The following STOM variants were observed in gnomAD, a reference collection of about 807,000 sequenced individuals.
STOM encodes the protein stomatin.
STOM carries 25 observed loss-of-function variants against 30.6 expected under a neutral mutation model. That is an observed-to-expected ratio of 0.82 (90% CI 0.60 to 1.14). STOM has a LOEUF of 1.14. Ranked by LOEUF, STOM falls within the 50% of genes most tolerant of loss-of-function variation. The pLI, the probability that STOM is intolerant of heterozygous loss-of-function variation, is 0.00. For synonymous variants in STOM, 118 were observed against 130.8 expected (o/e 0.90, Z 0.67); for missense variants, 292 against 365.2 (o/e 0.80, Z 1.63).
intron 6 of STOM, among the ~76,000 whole-genome samples, chr9:121,345,100 T>C (rs1393460613): frequency 1.3e-5 from 2 of 152,236 alleles, no homozygotes; most frequent in Non-Finnish European, 2.9e-5. Flanking sequence ...TTGGGTATTC[T>C]ACAGTTTGGG....
At chr9:121,355,422 A>G (rs2064379261) in intron 2 of STOM, among the ~76,000 whole-genome samples, 1 of 151,564 alleles carries the variant, frequency 6.6e-6, no homozygotes, top group African/African-American at 2.4e-5. Context: ...TGCATTGTTA[A>G]TTCAGAAACA....
chr9:121,352,445 A>T lies in STOM; in HGVS notation c.321+775T>A, dbSNP rs950913850. 2.6e-5 allele frequency among the ~76,000 whole-genome samples: 4 copies of T among 152,248 alleles called. No homozygotes were observed. In the East Asian group the frequency reaches 7.7e-4, roughly 29 times the overall value. ...ACAATACCTACACATCACTTTATTC[A>T]TGTGGATTCAATGCCATGCTTGATG... On this transcript the variant is annotated intron_variant, in intron 4 of 6. Coordinates refer to ENST00000286713, the MANE Select transcript of STOM (RefSeq NM_004099.6).
intron 1 of STOM, among the ~76,000 whole-genome samples, chr9:121,363,631 G>C (rs2064475305): frequency 6.6e-6 from 1 of 152,158 alleles, no homozygotes; most frequent in Non-Finnish European, 1.5e-5. Flanking sequence ...TAATGAAAAA[G>C]TATTCTTTTG....
At chr9:121,350,069 G>C (rs1168519658) in intron 4 of STOM, among the ~76,000 whole-genome samples, 1 of 152,218 alleles carries the variant, frequency 6.6e-6, no homozygotes, top group Non-Finnish European at 1.5e-5. Context: ...TGGCACGTAA[G>C]AGCTGTCTTA....
At chr9:121,359,807 T>C (rs2064432978) in intron 1 of STOM, among the ~76,000 whole-genome samples, 1 of 152,218 alleles carries the variant, frequency 6.6e-6, no homozygotes, top group Admixed American at 6.5e-5. Context: ...AAGAATGTTT[T>C]CGTGGTTGAG....
At chr9:121,366,039 G>A (rs1256665771) in intron 1 of STOM, 1 of 815,500 alleles carries the variant, frequency 1.2e-6, no homozygotes, top group East Asian at 1.3e-4. Flanking sequence ...AATCTCTTAA[G>A]TGATGGTAGG....
chr9:121,347,644 G>A (rs1404246326), intron 6 of STOM, among the ~76,000 whole-genome samples: 1 of 152,132 alleles, frequency 6.6e-6, no homozygotes, highest in Admixed American at 6.6e-5. Context: ...ATATGGAATC[G>A]GGAGAATAAG....
chr9:121,362,482 A>G (rs1174852463), intron 1 of STOM, among the ~76,000 whole-genome samples: 1 of 152,150 alleles, frequency 6.6e-6, no homozygotes, highest in Non-Finnish European at 1.5e-5. Context: ...GTTGTGTCCA[A>G]ATTTCTCACT....
intron 6 of STOM, among the ~76,000 whole-genome samples, chr9:121,345,890 C>A (rs145850601): frequency 6.6e-6 from 1 of 152,140 alleles, no homozygotes; most frequent in Non-Finnish European, 1.5e-5. Flanking sequence ...TGCGACCTTG[C>A]GGACGTCACT....
At position 121,349,147 on chromosome 9, in the gene STOM, G is replaced by A. The variant is rs746050936; in HGVS notation, c.498C>T (p.Asp166=). The change falls in exon 5 of 7, where the codon GAC becomes GAT. Residue 166 remains aspartate (D), a synonymous_variant. Coordinates refer to ENST00000286713, the MANE Select transcript of STOM (RefSeq NM_004099.6). The part of the protein sequence containing the change: ...GTKNLSQILS[D]REEIAHNMQS... ...GCATGTTGTGTGCAATTTCTTCTCTGTCAGAGAGGATCTGAGAAAGATTCT... is the reference window on the plus strand; with the variant it reads ...GCATGTTGTGTGCAATTTCTTCTCTATCAGAGAGGATCTGAGAAAGATTCT... The A allele has an allele frequency of 3.7e-6, 6 of 1,614,060 alleles. 1 individual carries two copies.
intron 6 of STOM, among the ~76,000 whole-genome samples, chr9:121,345,956 AT>A (rs1038193469): frequency 1.8e-3 from 267 of 150,848 alleles, no homozygotes; most frequent in African/African-American, 6.0e-3. Context: ...AACAAGTTTC[AT>A]TTTTTTTTAA....
chr9:121,355,345 G>A (rs12343742), intron 2 of STOM, among the ~76,000 whole-genome samples: 5,546 of 145,882 alleles, frequency 0.038, 307 homozygotes, highest in Admixed American at 0.15. Context: ...CCGAGATCGC[G>A]CCACTGCACT....
At chr9:121,357,338 A>G (rs1273344025) in intron 1 of STOM, among the ~76,000 whole-genome samples, 2 of 151,386 alleles carry the variant, frequency 1.3e-5, no homozygotes, top group African/African-American at 4.8e-5. Flanking sequence ...GAAGTATAAC[A>G]AAGGAGGGAA....
chr9:121,364,060 G>A (rs560409852), intron 1 of STOM, among the ~76,000 whole-genome samples: 55 of 152,166 alleles, frequency 3.6e-4, no homozygotes, highest in African/African-American at 1.2e-3. Flanking sequence ...TAGCAGAAGC[G>A]AAGGAAAATA....
chr9:121,357,424 G>GATATATATATATATATATATATAT lies in STOM; in HGVS notation c.62-1269_62-1268insATATATATATATATATATATATAT, dbSNP rs1156937416. ...TAGTGTACACACCATATTTTTAAAT[G>GATATATATATATATATATATATAT]ATATATATATATATATTTATTTATT... On this transcript the variant is annotated intron_variant, in intron 1 of 6. Coordinates refer to ENST00000286713, the MANE Select transcript of STOM (RefSeq NM_004099.6). Among the ~76,000 whole-genome samples, 461 of 95,182 alleles carry GATATATATATATATATATATATAT rather than the reference G, an allele frequency of 4.8e-3. 11 individuals carry two copies. Among genetic ancestry groups the GATATATATATATATATATATATAT allele is most frequent in the African/African-American group, 8.8e-3 (277 of 31,330 alleles). 62.4% of individuals were successfully genotyped at this position (95,182 alleles called of 152,430 possible).
In STOM at chr9:121,354,593, G is replaced by A; in HGVS notation, c.238+8C>T. ...TTCAGATAAACAATCTAGAATCCCAGTACTGACCAGGTCCTTTGGCTCCTC... is the reference window on the plus strand; with the variant it reads ...TTCAGATAAACAATCTAGAATCCCAATACTGACCAGGTCCTTTGGCTCCTC... On this transcript the variant is annotated splice_region_variant and intron_variant, in intron 3 of 6. Coordinates refer to ENST00000286713, the MANE Select transcript of STOM (RefSeq NM_004099.6). 1 of 1,602,988 alleles carries A rather than the reference G, an allele frequency of 6.2e-7. No homozygotes were observed. The highest frequency in any genetic ancestry group is 8.5e-7 in the Non-Finnish European group (1 of 1,172,660).
intron 6 of STOM, among the ~76,000 whole-genome samples, chr9:121,347,019 T>C (rs769782665): frequency 1.7e-4 from 26 of 152,246 alleles, no homozygotes; most frequent in Non-Finnish European, 2.2e-4. Flanking sequence ...TTCACAGGCA[T>C]AGGGCTGTGG....
chr9:121,341,224 G>A lies in STOM; in HGVS notation c.845C>T (p.Ala282Val). The stretch of plus-strand genomic sequence containing the variant: ...ACACTAGCCTAGATGGCTGTGTTTT[G>A]CCCCTATGATTCCTTGCAGCATATC... ...PIDMLQGIIG[A>V]KHSHLG The change falls in exon 7 of 7, where the codon GCA becomes GTA. Residue 282 changes from alanine (A) to valine (V), a missense_variant. Physicochemically the swap from Ala to Val is moderately conservative, Grantham distance 64. Coordinates refer to ENST00000286713, the MANE Select transcript of STOM (RefSeq NM_004099.6). The A allele has an allele frequency of 6.2e-7, 1 of 1,614,124 alleles. No homozygotes were observed. The highest frequency in any genetic ancestry group is 8.5e-7 in the Non-Finnish European group (1 of 1,180,046).
rs777587962 is a variant in STOM, at chr9:121,348,156, G to C, written c.526-7C>G. 4 of 1,614,086 alleles carry C rather than the reference G, an allele frequency of 2.5e-6. No individual in the cohort carries two copies. In the Admixed American group the frequency reaches 6.7e-5, roughly 27 times the overall value. On this transcript the variant is annotated splice_polypyrimidine_tract_variant and splice_region_variant and intron_variant, in intron 5 of 6. Transcript: ENST00000286713. ...TGGCATCATCCAGAGTAGACTGTTA[G>C]GAAGAGAGAAGGCAAGCTAAATCTC...
Sources: gnomAD v4.1 joint callset for allele counts (sites outside exome capture counted in the v4.1 genomes callset) on GRCh38, gnomAD v4.1.1 for gene constraint, MANE v1.5 for transcripts, NCBI Gene and HGNC (gene_info 2026-07-23, HGNC 2026-07-21) for gene names.